The following FBXL20 variants were observed in gnomAD, a reference collection of about 807,000 sequenced individuals.
FBXL20 encodes F-box/LRR-repeat protein 20.
Under a neutral mutation model 64.0 loss-of-function variants are expected in FBXL20, and 11 were observed. The observed-to-expected ratio is 0.17, with a 90% confidence interval of 0.11 to 0.28. The LOEUF is 0.28. FBXL20 is among the 10% of genes least tolerant of loss of function. The pLI, the probability that FBXL20 is intolerant of heterozygous loss-of-function variation, is 1.00. For synonymous variants in FBXL20, 184 were observed against 189.0 expected, an observed-to-expected ratio of 0.97 and a Z score of 0.22; for missense variants, 303 against 526.2, an observed-to-expected ratio of 0.58 and a Z score of 4.15.
At chr17:39,380,632 A>C (rs987477540) in intron 1 of FBXL20, among the ~76,000 whole-genome samples, 1 of 152,074 alleles carries the variant, frequency 6.6e-6, no homozygotes, top group African/African-American at 2.4e-5. Flanking sequence ...TATTTTGCCC[A>C]TCACTATCAT....
At chr17:39,370,640 A>G (rs1054899080) in intron 1 of FBXL20, among the ~76,000 whole-genome samples, 1 of 145,864 alleles carries the variant, frequency 6.9e-6, no homozygotes, top group Non-Finnish European at 1.5e-5. Flanking sequence ...AAAAAAATAC[A>G]AAAAATTAGC....
intron 7 of FBXL20, among the ~76,000 whole-genome samples, chr17:39,283,131 C>T (rs1663976445): frequency 6.6e-6 from 1 of 152,160 alleles, no homozygotes; most frequent in African/African-American, 2.4e-5. Context: ...TATCACATAT[C>T]TCAAAGCTCT....
chr17:39,327,766 T>C (rs931705892), intron 2 of FBXL20, among the ~76,000 whole-genome samples: 1 of 152,102 alleles, frequency 6.6e-6, no homozygotes, highest in Non-Finnish European at 1.5e-5. Flanking sequence ...AGTGGCACAA[T>C]CTCGGCTCAC....
At chr17:39,317,999 C>T (rs977053426) in intron 2 of FBXL20, among the ~76,000 whole-genome samples, 1 of 152,038 alleles carries the variant, frequency 6.6e-6, no homozygotes, top group East Asian at 1.9e-4. Context: ...CGCTCGCGGC[C>T]TCACTTTCAA....
At chr17:39,332,536 CT>C (rs58827473) in intron 2 of FBXL20, among the ~76,000 whole-genome samples, 27,590 of 96,752 alleles carry the variant, frequency 0.29, 3,805 homozygotes, top group African/African-American at 0.42. Flanking sequence ...TTCTTTGTAT[CT>C]TTTTTTTTTT....
intron 5 of FBXL20, 72 bp from the exon 6 acceptor site, chr17:39,297,267 T>A: frequency 1.2e-6 from 1 of 838,394 alleles, no homozygotes; most frequent in Non-Finnish European, 1.9e-6. Context: ...AGTAATAAAA[T>A]ATATTATTAT....
chr17:39,310,084 CAG>C (rs2047218901), intron 2 of FBXL20, among the ~76,000 whole-genome samples: 1 of 149,636 alleles, frequency 6.7e-6, no homozygotes, highest in Admixed American at 6.7e-5. Flanking sequence ...ATCAAGGAAA[CAG>C]AGGTTGCAGT....
At chr17:39,388,804 T>C (rs2048108223) in intron 1 of FBXL20, among the ~76,000 whole-genome samples, 1 of 149,046 alleles carries the variant, frequency 6.7e-6, no homozygotes, top group African/African-American at 2.4e-5. Context: ...TTTGTTGTGC[T>C]TTAAAAAATT....
At chr17:39,314,720 G>A (rs2047268384) in intron 2 of FBXL20, among the ~76,000 whole-genome samples, 1 of 151,770 alleles carries the variant, frequency 6.6e-6, no homozygotes, top group South Asian at 2.1e-4. Flanking sequence ...GTTCCACAGT[G>A]GCTGTACCAG....
At chr17:39,325,486 G>C (rs2047400717) in intron 2 of FBXL20, among the ~76,000 whole-genome samples, 1 of 152,112 alleles carries the variant, frequency 6.6e-6, no homozygotes, top group Non-Finnish European at 1.5e-5. Flanking sequence ...TGAATGTATT[G>C]GAAAGTGAAC....
chr17:39,261,314 G>A lies in FBXL20; in HGVS notation c.*146C>T. ...GGTAAGGGTGTGTATGTGTATGTAT[G>A]TGTGGCTCTGGGGATCTGGACACTG... On this transcript the variant is annotated 3_prime_UTR_variant, in exon 15 of 15. Coordinates refer to ENST00000264658, the MANE Select transcript of FBXL20 (RefSeq NM_032875.3). 1.4e-6 allele frequency: 1 copy of A among 698,670 alleles called. No homozygotes were observed. The highest frequency in any genetic ancestry group is 1.6e-5 in the South Asian group (1 of 63,860). 43.3% of individuals were successfully genotyped at this position (698,670 alleles called of 1,614,324 possible). A position where few individuals can be genotyped will look rare whatever the true frequency, so the allele number is the denominator to read the frequency against.
intron 11 of FBXL20, among the ~76,000 whole-genome samples, chr17:39,269,954 C>T (rs1476615442): frequency 6.6e-6 from 1 of 152,188 alleles, no homozygotes; most frequent in Non-Finnish European, 1.5e-5. Flanking sequence ...TGGCTCCCAC[C>T]TAATTAATAT....
chr17:39,273,122 G>T (rs1384714800), intron 10 of FBXL20, among the ~76,000 whole-genome samples: 11 of 152,090 alleles, frequency 7.2e-5, no homozygotes, highest in Admixed American at 7.2e-4. Flanking sequence ...GGTTCAGACA[G>T]TTCTCTTGTC....
intron 1 of FBXL20, among the ~76,000 whole-genome samples, chr17:39,345,192 T>C (rs752763583): frequency 1.1e-4 from 16 of 152,004 alleles, no homozygotes; most frequent in Non-Finnish European, 2.9e-5. Context: ...TTCTAGACAA[T>C]GGGATAAAAA....
chr17:39,266,169 A>G (rs1289827303), intron 12 of FBXL20, among the ~76,000 whole-genome samples: 1 of 144,556 alleles, frequency 6.9e-6, no homozygotes, highest in African/African-American at 2.6e-5. Flanking sequence ...CCCAGGTTCA[A>G]GTGATTCTTG....
At position 39,391,166 on chromosome 17, in the gene FBXL20, T is replaced by C. The variant is rs1389650017; in HGVS notation, c.42+10195A>G. On this transcript the variant is annotated intron_variant, in intron 1 of 14. Coordinates refer to ENST00000264658, the MANE Select transcript of FBXL20 (RefSeq NM_032875.3). Reference sequence around the variant, plus strand: ...GTGCAGTGGCTCATTCCAGTAATCCTAGCACTTTGGGTGGCCAAGGTGGGA... The same window carrying C: ...GTGCAGTGGCTCATTCCAGTAATCCCAGCACTTTGGGTGGCCAAGGTGGGA... Among the ~76,000 whole-genome samples the C allele has an allele frequency of 2.7e-5, 4 of 150,812 alleles. No individual in the cohort carries two copies. In the East Asian group the frequency reaches 7.8e-4, roughly 30 times the overall value.
At chr17:39,358,119 C>T (rs1000438039) in intron 1 of FBXL20, among the ~76,000 whole-genome samples, 5 of 152,128 alleles carry the variant, frequency 3.3e-5, no homozygotes, top group South Asian at 2.1e-4. Context: ...GTATTACCAG[C>T]GTCCAAAGGC....
intron 2 of FBXL20, among the ~76,000 whole-genome samples, chr17:39,318,558 T>C (rs1006771314): frequency 1.3e-5 from 2 of 151,948 alleles, no homozygotes; most frequent in African/African-American, 4.8e-5. Context: ...CTGACGAACA[T>C]GGAGAAACCC....
chr17:39,294,740 G>A (rs187899938), intron 6 of FBXL20, among the ~76,000 whole-genome samples: 78 of 152,170 alleles, frequency 5.1e-4, no homozygotes, highest in Middle Eastern at 3.4e-3. Context: ...GGCCAGACAC[G>A]GTGGCTCACG....
Sources: allele counts gnomAD v4.1 joint callset (sites outside exome capture counted in the v4.1 genomes callset), GRCh38; gene constraint gnomAD v4.1.1; transcripts MANE v1.5; gene names NCBI Gene and HGNC (gene_info 2026-07-23, HGNC 2026-07-21).